CLVS1: variants seen among roughly 807,000 people sequenced by gnomAD.
The protein encoded by CLVS1 is clavesin-1.
In CLVS1, 10 loss-of-function variants were observed where a neutral mutation model predicts 33.1. The ratio of observed to expected loss-of-function variants is 0.30; its 90% CI spans 0.19 to 0.51. CLVS1 has a LOEUF of 0.51. Among genes scored for constraint, CLVS1 ranks in the 20% least tolerant of loss-of-function variants. CLVS1 has a pLI of 0.97. For missense variants in CLVS1, 343 were observed against 433.4 expected, an observed-to-expected ratio of 0.79 and a Z score of 1.85; for synonymous variants, 163 against 166.1, an observed-to-expected ratio of 0.98 and a Z score of 0.14.
intron 1 of CLVS1, among the ~76,000 whole-genome samples, chr8:61,114,545 C>T (rs1347004): frequency 0.66 from 100,414 of 152,088 alleles, 35,774 homozygotes; most frequent in East Asian, 0.97. Context: ...ATTATACTGA[C>T]AAATTAATGT....
chr8:61,347,626 TTATATATATATATATATATATA>T (rs56179025), intron 2 of CLVS1, among the ~76,000 whole-genome samples: 8,030 of 37,036 alleles, frequency 0.22, 861 homozygotes, highest in East Asian at 0.33. Flanking sequence ...GGCCATTCCA[TTATATATATATATATATATATA>T]TATATATATA....
At chr8:61,363,341 A>G (rs896539560) in intron 2 of CLVS1, among the ~76,000 whole-genome samples, 2 of 152,170 alleles carry the variant, frequency 1.3e-5, no homozygotes, top group African/African-American at 4.8e-5. Flanking sequence ...TGCTATTCAG[A>G]GTGTAGGATA....
chr8:61,440,793 G>A (rs1816510806), intron 3 of CLVS1, among the ~76,000 whole-genome samples: 1 of 152,154 alleles, frequency 6.6e-6, no homozygotes, highest in South Asian at 2.1e-4. Flanking sequence ...AACCTCAAAG[G>A]AACACTGGGT....
chr8:61,344,855 T>G (rs1397098778), intron 2 of CLVS1, among the ~76,000 whole-genome samples: 1 of 151,640 alleles, frequency 6.6e-6, no homozygotes, highest in East Asian at 1.9e-4. Flanking sequence ...CATTTTAAAT[T>G]GAAGTTTTGC....
chr8:61,497,885 G>GT (rs1387616541), intron 5 of CLVS1, among the ~76,000 whole-genome samples: 1 of 152,122 alleles, frequency 6.6e-6, no homozygotes, highest in Non-Finnish European at 1.5e-5. Flanking sequence ...ACTTCCTGAT[G>GT]TTGCTATGGC....
chr8:61,085,897 G>A (rs71525436), intron 1 of CLVS1, among the ~76,000 whole-genome samples: 2 of 151,374 alleles, frequency 1.3e-5, no homozygotes, highest in Admixed American at 1.3e-4. Context: ...GGTGGCGGGC[G>A]CGTTGGCGGG....
chr8:61,044,934 A>C, the CLVS1 span, among the ~76,000 whole-genome samples: 3 of 152,218 alleles, frequency 2.0e-5, no homozygotes, highest in African/African-American at 7.2e-5. Flanking sequence ...TTTGGATTGC[A>C]TGTAAATGCA....
At chr8:60,984,547 C>A in the CLVS1 span, among the ~76,000 whole-genome samples, 4 of 152,056 alleles carry the variant, frequency 2.6e-5, no homozygotes, top group African/African-American at 9.7e-5. Flanking sequence ...AGGCTGGTCT[C>A]GAACTCCTGA....
At chr8:61,218,518 G>A (rs1808139332) in intron 2 of CLVS1, among the ~76,000 whole-genome samples, 2 of 151,852 alleles carry the variant, frequency 1.3e-5, no homozygotes, top group Non-Finnish European at 2.9e-5. Flanking sequence ...GAGGAAAGGA[G>A]AGGAATAGGA....
chr8:61,493,194 C>T (rs1804154741), intron 5 of CLVS1, among the ~76,000 whole-genome samples: 1 of 152,080 alleles, frequency 6.6e-6, no homozygotes, highest in Admixed American at 6.6e-5. Flanking sequence ...TAGACTTCAT[C>T]CATTTTGAAA....
chr8:61,327,245 G>A (rs999991514), intron 2 of CLVS1, among the ~76,000 whole-genome samples: 2 of 152,046 alleles, frequency 1.3e-5, no homozygotes, highest in Non-Finnish European at 2.9e-5. Context: ...TAATCTAAAT[G>A]ATTTTAAATT....
intron 2 of CLVS1, among the ~76,000 whole-genome samples, chr8:61,279,301 TC>T (rs1809622792): frequency 2.0e-5 from 3 of 152,188 alleles, no homozygotes; most frequent in Non-Finnish European, 4.4e-5. Context: ...GCCAGAGGTG[TC>T]TTAGTTTTCT....
rs899377270 is a variant in CLVS1, at chr8:61,064,141, A to AT, written c.-243+6917dup. Among the ~76,000 whole-genome samples, 7 of 152,168 alleles carry AT rather than the reference A, an allele frequency of 4.6e-5. No homozygotes were observed. In the South Asian group the frequency reaches 1.5e-3, roughly 32 times the overall value. On this transcript the variant is annotated intron_variant, in intron 1 of 2. Coordinates refer to the CLVS1 transcript ENST00000522621. Reference sequence around the variant, plus strand: ...CATCCACCTCTTGGCAGACATTTGGATTTTTTCTGCCTTTTGATTACTGGG... The same window carrying AT: ...CATCCACCTCTTGGCAGACATTTGGATTTTTTTCTGCCTTTTGATTACTGGG...
At chr8:61,312,567 A>G (rs1810865473) in intron 2 of CLVS1, among the ~76,000 whole-genome samples, 2 of 152,230 alleles carry the variant, frequency 1.3e-5, no homozygotes, top group East Asian at 1.9e-4. Context: ...ATAGTCCCTG[A>G]TAAGTATCTC....
chr8:61,370,034 A>G (rs1019289319), intron 2 of CLVS1, among the ~76,000 whole-genome samples: 10 of 152,312 alleles, frequency 6.6e-5, no homozygotes, highest in African/African-American at 2.4e-4. Context: ...GGTGGGATGC[A>G]ATGTTTTGCA....
At chr8:61,157,341 A>G (rs1806670425) in intron 2 of CLVS1, among the ~76,000 whole-genome samples, 1 of 152,242 alleles carries the variant, frequency 6.6e-6, no homozygotes, top group South Asian at 2.1e-4. Flanking sequence ...GAATATTCAT[A>G]TAGAAAAATC....
intron 1 of CLVS1, among the ~76,000 whole-genome samples, chr8:61,092,893 G>A (rs1382297867): frequency 6.6e-6 from 1 of 152,126 alleles, no homozygotes; most frequent in Non-Finnish European, 1.5e-5. Flanking sequence ...CTTCCCAAGT[G>A]GTATCACTGG....
intron 2 of CLVS1, among the ~76,000 whole-genome samples, chr8:61,163,105 G>A (rs1039017485): frequency 1.3e-5 from 2 of 152,180 alleles, no homozygotes; most frequent in African/African-American, 4.8e-5. Flanking sequence ...TGGACTCATA[G>A]GTTGGTGAGT....
chr8:61,150,101 G>GGTGTGTGTGTGTGT (rs10653874), intron 2 of CLVS1, among the ~76,000 whole-genome samples: 16,558 of 146,358 alleles, frequency 0.11, 1,004 homozygotes, highest in Middle Eastern at 0.19. Context: ...ATTTGAGAAA[G>GGTGTGTGTGTGTGT]GTGTGTGTGT....
Sources: gnomAD v4.1 joint callset for allele counts (sites outside exome capture counted in the v4.1 genomes callset) on GRCh38, gnomAD v4.1.1 for gene constraint, MANE v1.5 for transcripts, NCBI Gene and HGNC (gene_info 2026-07-23, HGNC 2026-07-21) for gene names.